The following NRG2 variants were observed in gnomAD, a reference collection of about 807,000 sequenced individuals.
The protein encoded by NRG2 is pro-neuregulin-2, membrane-bound isoform.
In NRG2, 27 loss-of-function variants were observed where a neutral mutation model predicts 73.9. The observed-to-expected ratio is 0.37, with a 90% CI of 0.27 to 0.50. NRG2 has a LOEUF of 0.50. NRG2 is among the 20% of genes least tolerant of loss of function. The pLI is 0.96. For missense variants in NRG2, 1,126 were observed against 1,210.1 expected, an observed-to-expected ratio of 0.93 and a Z score of 1.03; for synonymous variants, 532 against 541.0, an observed-to-expected ratio of 0.98 and a Z score of 0.23.
At chr5:140,007,459 T>C (rs1758999917) in intron 1 of NRG2, among the ~76,000 whole-genome samples, 1 of 151,838 alleles carries the variant, frequency 6.6e-6, no homozygotes, top group South Asian at 2.1e-4. Context: ...GAACACAGCT[T>C]AGGATCAAGA....
chr5:139,970,648 G>A (rs1243042707), intron 1 of NRG2, among the ~76,000 whole-genome samples: 1 of 152,172 alleles, frequency 6.6e-6, no homozygotes, highest in Non-Finnish European at 1.5e-5. Context: ...GTACCTCTGG[G>A]ACCATCTTCT....
At chr5:139,902,767 G>T (rs532292546) in intron 1 of NRG2, among the ~76,000 whole-genome samples, 2 of 152,206 alleles carry the variant, frequency 1.3e-5, no homozygotes, top group South Asian at 2.1e-4. Flanking sequence ...ATAAATTTTC[G>T]ATCATAAAAA....
At chr5:140,038,760 C>T (rs573466555) in intron 1 of NRG2, among the ~76,000 whole-genome samples, 5 of 152,062 alleles carry the variant, frequency 3.3e-5, no homozygotes, top group African/African-American at 4.8e-5. Context: ...TGCAGTCTGC[C>T]GAGGAAAGCA....
chr5:139,961,117 C>T (rs530363729), intron 1 of NRG2, among the ~76,000 whole-genome samples: 21 of 152,362 alleles, frequency 1.4e-4, no homozygotes, highest in African/African-American at 4.6e-4. Flanking sequence ...CACGCTTGTA[C>T]GCTGCCGCCC....
At chr5:139,992,408 TAATGAC>T (rs1757705083) in intron 1 of NRG2, among the ~76,000 whole-genome samples, 1 of 152,202 alleles carries the variant, frequency 6.6e-6, no homozygotes, top group Admixed American at 6.5e-5. Flanking sequence ...TTTATGCAAA[TAATGAC>T]AAATAATGCC....
intron 4 of NRG2, among the ~76,000 whole-genome samples, chr5:139,867,786 G>A (rs1247022470): frequency 2.9e-5 from 4 of 137,132 alleles, no homozygotes; most frequent in African/African-American, 9.8e-5. Context: ...GTGTGTGTGT[G>A]TGTGTGTGTG....
intron 1 of NRG2, among the ~76,000 whole-genome samples, chr5:139,949,421 C>CT (rs1293905136): frequency 6.6e-6 from 1 of 152,080 alleles, no homozygotes; most frequent in Admixed American, 6.6e-5. Flanking sequence ...GGAGTGTGAC[C>CT]TTCCTTTAAG....
intron 3 of NRG2, among the ~76,000 whole-genome samples, chr5:139,873,624 GA>G (rs1436695534): frequency 6.6e-6 from 1 of 152,262 alleles, no homozygotes; most frequent in Non-Finnish European, 1.5e-5. Flanking sequence ...GCGCAGTGAG[GA>G]CTGCAGGCCT....
intron 1 of NRG2, among the ~76,000 whole-genome samples, chr5:139,971,834 A>G (rs766645975): frequency 6.6e-6 from 1 of 152,200 alleles, no homozygotes; most frequent in African/African-American, 2.4e-5. Context: ...CCCCAAGGTA[A>G]CCTCTACATT....
intron 1 of NRG2, among the ~76,000 whole-genome samples, chr5:139,925,421 A>C (rs1751978934): frequency 6.6e-6 from 1 of 152,208 alleles, no homozygotes; most frequent in South Asian, 2.1e-4. Flanking sequence ...ACTGGTAAGA[A>C]ACTGAGATGG....
At chr5:139,854,728 C>A (rs1037188850) in intron 6 of NRG2, among the ~76,000 whole-genome samples, 3 of 152,204 alleles carry the variant, frequency 2.0e-5, no homozygotes, top group Non-Finnish European at 4.4e-5. Context: ...CAGTCCAGAC[C>A]CTTGCTTTCC....
intron 1 of NRG2, among the ~76,000 whole-genome samples, chr5:140,023,839 C>T (rs1760437036): frequency 6.6e-6 from 1 of 152,164 alleles, no homozygotes; most frequent in African/African-American, 2.4e-5. Flanking sequence ...CGCCAACAAT[C>T]TCTGTAATCT....
At chr5:139,897,552 G>C (rs566721092) in intron 1 of NRG2, among the ~76,000 whole-genome samples, 1 of 152,120 alleles carries the variant, frequency 6.6e-6, no homozygotes. Context: ...GGAGCTGGTG[G>C]GGGCATGTGC....
At chr5:139,927,076 A>G (rs1200942792) in intron 1 of NRG2, among the ~76,000 whole-genome samples, 2 of 152,150 alleles carry the variant, frequency 1.3e-5, no homozygotes, top group Non-Finnish European at 2.9e-5. Context: ...TGTGCCAGCC[A>G]CCCACCCCCA....
intron 1 of NRG2, among the ~76,000 whole-genome samples, chr5:139,934,407 A>G (rs553971985): frequency 2.0e-5 from 3 of 152,358 alleles, no homozygotes; most frequent in South Asian, 2.1e-4. Flanking sequence ...TATACTATAC[A>G]TAAAATGGTA....
intron 1 of NRG2, among the ~76,000 whole-genome samples, chr5:139,899,804 T>A (rs952852659): frequency 1.2e-4 from 18 of 152,166 alleles, no homozygotes; most frequent in African/African-American, 3.6e-4. Flanking sequence ...CTGGTTTTTG[T>A]TGAGGGGCAT....
chr5:139,966,801 A>G (rs1054848060), intron 1 of NRG2, among the ~76,000 whole-genome samples: 2 of 152,112 alleles, frequency 1.3e-5, no homozygotes, highest in Non-Finnish European at 2.9e-5. Flanking sequence ...CAGAAAGGTA[A>G]AAGAATCTAA....
chr5:140,015,591 T>G (rs1234952682), intron 1 of NRG2, among the ~76,000 whole-genome samples: 1 of 152,182 alleles, frequency 6.6e-6, no homozygotes, highest in Non-Finnish European at 1.5e-5. Flanking sequence ...GTACCAGCAT[T>G]CTAGGGTCCA....
chr5:139,919,526 G>A (rs972574196), intron 1 of NRG2, among the ~76,000 whole-genome samples: 8 of 152,070 alleles, frequency 5.3e-5, no homozygotes, highest in East Asian at 3.9e-4. Context: ...AATTCCTGGC[G>A]TTATGATAGT....
Sources: allele counts gnomAD v4.1 joint callset (sites outside exome capture counted in the v4.1 genomes callset), GRCh38; gene constraint gnomAD v4.1.1; transcripts MANE v1.5; gene names NCBI Gene and HGNC (gene_info 2026-07-23, HGNC 2026-07-21).